ENAM: variants seen among roughly 807,000 people sequenced by gnomAD.
ENAM encodes amelogenesis imperfecta 2, hypocalcification (autosomal dominant).
In ENAM, 21 loss-of-function variants were observed where a neutral mutation model predicts 33.6. The observed-to-expected ratio is 0.63, with a 90% CI of 0.44 to 0.90. ENAM has a LOEUF of 0.90. ENAM is among the 40% of genes least tolerant of loss of function. The probability of loss-of-function intolerance (pLI) is 0.00; values close to 1 mark genes in which losing one functional copy is unlikely to be tolerated. For missense variants in ENAM, 1,388 were observed against 1,366.9 expected, an observed-to-expected ratio of 1.02 and a Z score of -0.24; for synonymous variants, 473 against 468.4, an observed-to-expected ratio of 1.01 and a Z score of -0.13.
chr4:70,633,176 T>G (rs1183079242), intron 5 of ENAM, among the ~76,000 whole-genome samples: 1 of 152,068 alleles, frequency 6.6e-6, no homozygotes, highest in Non-Finnish European at 1.5e-5. Context: ...TATCAGGTGG[T>G]TCTTTGGCAC....
At chr4:70,630,903 G>A (rs1485365575) in intron 2 of ENAM, among the ~76,000 whole-genome samples, 8 of 151,914 alleles carry the variant, frequency 5.3e-5, no homozygotes, top group South Asian at 2.1e-4. Context: ...CACCACACCC[G>A]GCTAATTTTT....
In ENAM at chr4:70,639,429, A is replaced by C. The variant is rs145599646; in HGVS notation, c.588+1586A>C. Among the ~76,000 whole-genome samples the C allele has an allele frequency of 1.8e-3, 277 of 151,938 alleles. 4 individuals carry two copies. In the East Asian group the frequency reaches 0.028, roughly 16 times the overall value. ...AGGTGGTGAAATCCCGTCTCTACTA[A>C]GAATACAAAAATTAGCCGGGTATGG... On this transcript the variant is annotated intron_variant, in intron 8 of 8. Coordinates refer to ENST00000396073, the MANE Select transcript of ENAM (RefSeq NM_031889.3).
Position 70,634,537 on chromosome 4 carries a change from C to G in ENAM, c.440C>G (p.Pro147Arg), listed in dbSNP as rs201940627. ...RPLKQPSHNQPQPEEEAQPPQ... is the reference protein window; with the variant it reads ...RPLKQPSHNQRQPEEEAQPPQ... ...TTGAAGCAGCCATCACATAATCAAC[C>G]TCAGCCCGAAGAGGAAGCTCAACCC... Residue 147 changes from proline to arginine, a missense_variant, in exon 6 of 9, where the codon CCT becomes CGT. By Grantham distance (103) the Pro-to-Arg change is moderately radical. Coordinates refer to ENST00000396073, the MANE Select transcript of ENAM (RefSeq NM_031889.3). The G allele has an allele frequency of 1.6e-5, 26 of 1,614,032 alleles. No individual in the cohort carries two copies. Among genetic ancestry groups the G allele is most frequent in the Non-Finnish European group, 2.2e-5 (26 of 1,180,020 alleles).
chr4:70,643,571 T>A lies in ENAM; in HGVS notation c.2145T>A (p.Tyr715Ter). ...CATCAAAACCAAGGGAGGATTTTTA[T>A]TACAGTGAATTTTACCCATGGAGCC... Reference protein sequence around the residue: ...DNPSKPREDFYYSEFYPWSPD... With the variant: ...DNPSKPREDF The change falls in exon 9 of 9, where the codon TAT (tyrosine) becomes TAA (stop). Residue 715 changes from tyrosine to a stop codon, truncating the protein, a stop_gained. Coordinates refer to ENST00000396073, the MANE Select transcript of ENAM (RefSeq NM_031889.3). LOFTEE classifies it low-confidence loss of function (END_TRUNC). 6.2e-7 allele frequency: 1 copy of A among 1,614,110 alleles called. No homozygotes were observed. The highest frequency in any genetic ancestry group is 8.5e-7 in the Non-Finnish European group (1 of 1,180,000).
intron 4 of ENAM, 58 bp downstream of exon 4, chr4:70,631,951 T>TA: frequency 7.2e-7 from 1 of 1,396,466 alleles, no homozygotes; most frequent in South Asian, 1.2e-5. Flanking sequence ...ACACATTTAC[T>TA]AAAAAGGAGA....
In ENAM at chr4:70,646,759, C is replaced by T; in HGVS notation, c.*1904C>T. 1 of 152,176 alleles carries T rather than the reference C, an allele frequency of 6.6e-6. No homozygotes were observed. The highest frequency in any genetic ancestry group is 2.1e-4 in the South Asian group (1 of 4,832). 9.4% of individuals were successfully genotyped at this position (152,176 alleles called of 1,614,324 possible). ...AATCACACATTGAAAAATTCATTAACTTATTCTGTATAAAACTGTCTTTTA... is the reference window on the plus strand; with the variant it reads ...AATCACACATTGAAAAATTCATTAATTTATTCTGTATAAAACTGTCTTTTA... On this transcript the variant is annotated 3_prime_UTR_variant, in exon 9 of 9. Transcript: ENST00000396073.
rs1560404223 is a variant in ENAM at position 70,642,640 on chromosome 4, C to T, written c.1214C>T (p.Pro405Leu). 1.2e-6 allele frequency: 2 copies of T among 1,613,932 alleles called. No homozygotes were observed. Among genetic ancestry groups the T allele is most frequent in the Non-Finnish European group, 1.7e-6 (2 of 1,179,954 alleles). The change falls in exon 9 of 9, where the codon CCT becomes CTT. Residue 405 changes from proline to leucine, a missense_variant. Transcript: ENST00000396073. ...AATCCAGCAAATCTCAGAAGAAAGCCTCAGGGGCCAAATAAACACCCTGTA... is the reference window on the plus strand; with the variant it reads ...AATCCAGCAAATCTCAGAAGAAAGCTTCAGGGGCCAAATAAACACCCTGTA... ...AGNPANLRRKPQGPNKHPVGT... is the reference protein window; with the variant it reads ...AGNPANLRRKLQGPNKHPVGT...
At chr4:70,629,148 A>G (rs1560399019) in intron 1 of ENAM, among the ~76,000 whole-genome samples, 184 bp downstream of exon 1, 1 of 152,098 alleles carries the variant, frequency 6.6e-6, no homozygotes, top group Non-Finnish European at 1.5e-5. Flanking sequence ...TTTTTCTTGT[A>G]AGTTTTTTCC....
chr4:70,637,421 C>T (rs955554167), intron 7 of ENAM, among the ~76,000 whole-genome samples: 1 of 152,138 alleles, frequency 6.6e-6, no homozygotes, highest in African/African-American at 2.4e-5. Context: ...TAACAGCACT[C>T]AAATTTCTCT....
intron 7 of ENAM, among the ~76,000 whole-genome samples, chr4:70,636,117 G>A (rs761106627): frequency 6.6e-6 from 1 of 152,044 alleles, no homozygotes; most frequent in Non-Finnish European, 1.5e-5. Context: ...TCACCAAACA[G>A]ATACTAATAA....
rs1331593890 is a variant in ENAM, at chr4:70,644,274, T to C, written c.2848T>C (p.Ser950Pro). 1 of 1,614,068 alleles carries C rather than the reference T, an allele frequency of 6.2e-7. No individual in the cohort carries two copies. The highest frequency in any genetic ancestry group is 1.3e-5 in the African/African-American group (1 of 74,916). The change falls in exon 9 of 9, where the codon TCC becomes CCC. Residue 950 changes from serine (S) to proline (P), a missense_variant. Coordinates refer to ENST00000396073, the MANE Select transcript of ENAM (RefSeq NM_031889.3). ...CCAAAACCCTTTTAGAGATGATGTG[T>C]CCACGCTGAGGAGGAACACACCATG... ...ESQNPFRDDV[S>P]TLRRNTPCSI... is the part of the protein sequence containing the mutation.
rs1314232607 is a variant in ENAM at position 70,646,043 on chromosome 4, A to C, written c.*1188A>C. The C allele has an allele frequency of 3.3e-5, 5 of 151,508 alleles. No homozygotes were observed. The highest frequency in any genetic ancestry group is 9.8e-5 in the African/African-American group (4 of 40,962). 9.4% of individuals were successfully genotyped at this position (151,508 alleles called of 1,614,324 possible). ...TTTGGGAAACACTGTCTTAAATAAA[A>C]ACTCAATGTTTAGTTGTTTTTTTTT... On this transcript the variant is annotated 3_prime_UTR_variant, in exon 9 of 9. Transcript: ENST00000396073.
chr4:70,633,694 A>C (rs1273614205), intron 5 of ENAM, among the ~76,000 whole-genome samples: 1 of 152,202 alleles, frequency 6.6e-6, no homozygotes, highest in Non-Finnish European at 1.5e-5. Flanking sequence ...ATTATCATAA[A>C]TTTATAAATT....
intron 2 of ENAM, 37 bp downstream of exon 2, chr4:70,629,591 G>A (rs768200116): frequency 2.1e-6 from 3 of 1,424,842 alleles, no homozygotes; most frequent in Non-Finnish European, 3.0e-6. Context: ...ATACATACAG[G>A]TTCTCAAACT....
At chr4:70,629,620 A>G in intron 2 of ENAM, 66 bp downstream of exon 2, 1 of 1,177,292 alleles carries the variant, frequency 8.5e-7, no homozygotes, top group Non-Finnish European at 1.3e-6. Context: ...TCAGAAATAC[A>G]CTTGAGAGGG....
chr4:70,629,494 GA>G lies in ENAM; in HGVS notation c.1del, dbSNP rs1433460883. ...CTTAAAGGCTTATAAAAATTTTGCT[GA>G]AAAAAATGTTGGTGCTTCGGTGCAG... On this transcript the variant is annotated 5_prime_UTR_variant, in exon 2 of 9. Coordinates refer to ENST00000396073, the MANE Select transcript of ENAM (RefSeq NM_031889.3). 1.9e-6 allele frequency: 3 copies of G among 1,612,086 alleles called. No individual in the cohort carries two copies. The highest frequency in any genetic ancestry group is 1.3e-5 in the African/African-American group (1 of 74,956).
At chr4:70,638,433 TG>T (rs1160844017) in intron 8 of ENAM, among the ~76,000 whole-genome samples, 1 of 139,684 alleles carries the variant, frequency 7.2e-6, no homozygotes. Flanking sequence ...GACTGGAGAG[TG>T]GGCGACAGAT....
chr4:70,636,914 C>A (rs555700920), intron 7 of ENAM, among the ~76,000 whole-genome samples: 1 of 152,098 alleles, frequency 6.6e-6, no homozygotes, highest in East Asian at 1.9e-4. Flanking sequence ...ACTTTTTGAA[C>A]TAAAGAAATG....
At chr4:70,629,754 A>G (rs1738264632) in intron 2 of ENAM, among the ~76,000 whole-genome samples, 200 bp downstream of exon 2, 1 of 152,198 alleles carries the variant, frequency 6.6e-6, no homozygotes, top group East Asian at 1.9e-4. Flanking sequence ...TTTCAACTCA[A>G]AAAATAACTA....
Sources: allele counts gnomAD v4.1 joint callset (sites outside exome capture counted in the v4.1 genomes callset), GRCh38; gene constraint gnomAD v4.1.1; transcripts MANE v1.5; gene names NCBI Gene and HGNC (gene_info 2026-07-23, HGNC 2026-07-21).